ALK: variants seen among roughly 807,000 people sequenced by gnomAD.
ALK encodes the protein ALK receptor tyrosine kinase.
ALK carries 74 observed loss-of-function variants against 163.1 expected under a neutral mutation model. That is an observed-to-expected ratio of 0.45 (90% CI 0.38 to 0.55). The LOEUF (loss-of-function observed/expected upper bound fraction) is 0.55. Ranked by LOEUF, ALK falls within the 20% of genes least tolerant of loss-of-function variation. The probability of loss-of-function intolerance (pLI) is 0.00; values close to 1 mark genes in which losing one functional copy is unlikely to be tolerated. For synonymous variants in ALK, 960 were observed against 843.2 expected, an observed-to-expected ratio of 1.14 and a Z score of -2.40; for missense variants, 2,063 against 2,105.3, an observed-to-expected ratio of 0.98 and a Z score of 0.39.
intron 5 of ALK, among the ~76,000 whole-genome samples, chr2:29,373,906 A>G (rs1246326777): frequency 6.6e-6 from 1 of 152,226 alleles, no homozygotes; most frequent in East Asian, 1.9e-4. Context: ...CCAGTGACCA[A>G]GGTAAAAAAA....
intron 2 of ALK, among the ~76,000 whole-genome samples, chr2:29,695,526 G>A (rs922595768): frequency 1.3e-5 from 2 of 152,170 alleles, no homozygotes; most frequent in Non-Finnish European, 2.9e-5. Flanking sequence ...CTAAGAACAT[G>A]TAATGTATGT....
intron 1 of ALK, among the ~76,000 whole-genome samples, chr2:29,820,698 C>A (rs913693135): frequency 3.3e-5 from 5 of 152,154 alleles, no homozygotes; most frequent in African/African-American, 1.2e-4. Flanking sequence ...GACTCTGGAG[C>A]CTGGAAGTGC....
At chr2:29,879,356 C>A (rs2148417353) in intron 1 of ALK, among the ~76,000 whole-genome samples, 1 of 152,292 alleles carries the variant, frequency 6.6e-6, no homozygotes, top group East Asian at 1.9e-4. Flanking sequence ...ATGCATGCAG[C>A]AACACACTGC....
chr2:29,717,831 T>G, intron 1 of ALK, 134 bp from the exon 2 acceptor site: 1 of 1,180,040 alleles, frequency 8.5e-7, no homozygotes, highest in South Asian at 1.3e-5. Flanking sequence ...GGGGAAAAAA[T>G]TGAGCCACCA....
chr2:29,420,824 G>C (rs1669998747), intron 4 of ALK, among the ~76,000 whole-genome samples: 1 of 151,512 alleles, frequency 6.6e-6, no homozygotes, highest in Admixed American at 6.6e-5. Flanking sequence ...TAACCACACG[G>C]AGGAGAAATG....
chr2:29,555,228 A>G (rs1452982586), intron 3 of ALK, among the ~76,000 whole-genome samples: 1 of 151,928 alleles, frequency 6.6e-6, no homozygotes, highest in Non-Finnish European at 1.5e-5. Context: ...ACCCCCTCAG[A>G]TGGCCATGTC....
At chr2:29,268,503 T>C (rs1167543878) in intron 11 of ALK, among the ~76,000 whole-genome samples, 1 of 152,126 alleles carries the variant, frequency 6.6e-6, no homozygotes, top group Non-Finnish European at 1.5e-5. Flanking sequence ...GTTCACAGCC[T>C]CAGAGCCCCA....
At chr2:29,634,412 A>G (rs1161594703) in intron 3 of ALK, among the ~76,000 whole-genome samples, 1 of 152,228 alleles carries the variant, frequency 6.6e-6, no homozygotes, top group African/African-American at 2.4e-5. Flanking sequence ...AGCAATATAA[A>G]AAGAATTATA....
In ALK at chr2:29,917,245, C is replaced by G. The variant is rs541732357; in HGVS notation, c.667+2748G>C. Among the ~76,000 whole-genome samples, 267 of 152,308 alleles carry G rather than the reference C, an allele frequency of 1.8e-3. 2 individuals carry two copies. The highest frequency in any genetic ancestry group is 6.1e-3 in the African/African-American group (252 of 41,564). On this transcript the variant is annotated intron_variant, in intron 1 of 28. Transcript: ENST00000389048. ...AAGAACAATCAGCTCTTCCCTCCCC[C>G]ACAAATAGCCCCATCAGCATCATTG...
At chr2:29,886,414 T>C (rs908387777) in intron 1 of ALK, among the ~76,000 whole-genome samples, 5 of 152,270 alleles carry the variant, frequency 3.3e-5, no homozygotes, top group Non-Finnish European at 7.3e-5. Flanking sequence ...TAATCCATCA[T>C]GCATGTGTAG....
At chr2:29,915,671 T>C (rs1427697937) in intron 1 of ALK, among the ~76,000 whole-genome samples, 2 of 152,182 alleles carry the variant, frequency 1.3e-5, no homozygotes, top group Admixed American at 1.3e-4. Context: ...ATTCTCAACA[T>C]TTAAAGGGAT....
intron 3 of ALK, among the ~76,000 whole-genome samples, chr2:29,564,727 G>A (rs1674130096): frequency 6.6e-6 from 1 of 152,228 alleles, no homozygotes; most frequent in African/African-American, 2.4e-5. Flanking sequence ...GCCTCAGGAA[G>A]GGAGGGGGTA....
intron 1 of ALK, among the ~76,000 whole-genome samples, chr2:29,819,932 T>G (rs375467180): frequency 6.6e-6 from 1 of 152,188 alleles, no homozygotes; most frequent in Non-Finnish European, 1.5e-5. Flanking sequence ...AACAGGCAAT[T>G]CCCATATTCA....
Position 29,743,816 on chromosome 2 carries a change from C to T in ALK, c.668-26119G>A, listed in dbSNP as rs185653699. Among the ~76,000 whole-genome samples the T allele has an allele frequency of 1.4e-3, 208 of 152,162 alleles. 1 individual carries two copies. Among genetic ancestry groups the T allele is most frequent in the African/African-American group, 4.9e-3 (203 of 41,522 alleles). Reference sequence around the variant, plus strand: ...CCCAGGTTTGCAGGCTTCTTTAGGGCACAGGTTCTAATGAGGATTCTATGA... The same window carrying T: ...CCCAGGTTTGCAGGCTTCTTTAGGGTACAGGTTCTAATGAGGATTCTATGA... On this transcript the variant is annotated intron_variant, in intron 1 of 28. Coordinates refer to ENST00000389048, the MANE Select transcript of ALK (RefSeq NM_004304.5).
At chr2:29,691,911 T>A (rs1678409378) in intron 3 of ALK, among the ~76,000 whole-genome samples, 1 of 152,210 alleles carries the variant, frequency 6.6e-6, no homozygotes, top group Non-Finnish European at 1.5e-5. Context: ...TGTCCCTGTC[T>A]CTTGATCTCA....
chr2:29,637,310 G>T (rs763658986), intron 3 of ALK, among the ~76,000 whole-genome samples: 4 of 152,114 alleles, frequency 2.6e-5, no homozygotes, highest in Non-Finnish European at 5.9e-5. Flanking sequence ...GAAAATGTAT[G>T]GTGAGTAAGA....
chr2:29,675,460 T>G (rs1438907577), intron 3 of ALK, among the ~76,000 whole-genome samples: 1 of 152,050 alleles, frequency 6.6e-6, no homozygotes, highest in Non-Finnish European at 1.5e-5. Flanking sequence ...AGCCTGCGTC[T>G]TCCTTTTCCT....
intron 23 of ALK, among the ~76,000 whole-genome samples, chr2:29,215,920 G>A (rs2148161433): frequency 6.6e-6 from 1 of 152,312 alleles, no homozygotes; most frequent in African/African-American, 2.4e-5. Flanking sequence ...GTTGTCAGGA[G>A]CACCCACGCC....
intron 4 of ALK, among the ~76,000 whole-genome samples, chr2:29,422,792 G>A (rs1670048236): frequency 6.6e-6 from 1 of 152,010 alleles, no homozygotes; most frequent in Non-Finnish European, 1.5e-5. Context: ...AGGGGTCCAG[G>A]TTTTACTCTT....
Sources: allele counts gnomAD v4.1 joint callset (sites outside exome capture counted in the v4.1 genomes callset), GRCh38; gene constraint gnomAD v4.1.1; transcripts MANE v1.5; gene names NCBI Gene and HGNC (gene_info 2026-07-23, HGNC 2026-07-21).